MID1: variants seen among roughly 807,000 people sequenced by gnomAD.
MID1 encodes the protein midline 1.
Under a neutral mutation model 40.4 loss-of-function variants are expected in MID1, and 7 were observed. The observed-to-expected ratio is 0.17, with a 90% CI of 0.10 to 0.33. MID1 has a LOEUF of 0.33. Ranked by LOEUF, MID1 falls within the 10% of genes least tolerant of loss-of-function variation. The pLI is 1.00. For synonymous variants in MID1, 229 were observed against 221.2 expected (o/e 1.04, Z -0.31); for missense variants, 367 against 558.5 (o/e 0.66, Z 3.46).
chrX:10,713,947 C>G (rs1460926087), intron 1 of MID1, among the ~76,000 whole-genome samples: 2 of 111,849 alleles, frequency 1.8e-5, no homozygotes, highest in East Asian at 5.6e-4. Flanking sequence ...ATCTCAATCT[C>G]AAGCTTTGAA....
chrX:10,536,920 G>A (rs1218141639), intron 2 of MID1, among the ~76,000 whole-genome samples: 5 of 111,585 alleles, frequency 4.5e-5, no homozygotes, highest in Admixed American at 3.8e-4. Flanking sequence ...TCTCTACTGC[G>A]GAACAGGAAG....
intron 1 of MID1, among the ~76,000 whole-genome samples, chrX:10,794,215 A>T (rs1156925596): frequency 2.7e-5 from 3 of 112,113 alleles, no homozygotes; most frequent in African/African-American, 3.2e-5. Context: ...AATAAATGAG[A>T]CTAATGACCA....
At chrX:10,769,263 C>T (rs1481304560) in intron 1 of MID1, among the ~76,000 whole-genome samples, 3 of 110,511 alleles carry the variant, frequency 2.7e-5, no homozygotes, top group African/African-American at 9.9e-5. Context: ...TTTATCCTAC[C>T]GCCTTAAAAC....
intron 1 of MID1, among the ~76,000 whole-genome samples, chrX:10,802,222 A>G (rs1037629890): frequency 8.9e-5 from 10 of 111,735 alleles, no homozygotes; most frequent in African/African-American, 3.3e-4. Flanking sequence ...CAAACAAACA[A>G]AAACTATCAA....
At chrX:10,805,493 C>T (rs2044038755) in intron 1 of MID1, among the ~76,000 whole-genome samples, 1 of 106,721 alleles carries the variant, frequency 9.4e-6, no homozygotes, top group African/African-American at 3.5e-5. Context: ...GGGTTGGTTC[C>T]AAGTCTTTGC....
intron 1 of MID1, among the ~76,000 whole-genome samples, chrX:10,607,627 C>A (rs1388531678): frequency 8.9e-6 from 1 of 112,440 alleles, no homozygotes; most frequent in Admixed American, 9.4e-5. Context: ...GAAGACAGAT[C>A]ATGCCCCTAT....
chrX:10,603,045 T>C (rs760879950), intron 1 of MID1, among the ~76,000 whole-genome samples: 2 of 112,362 alleles, frequency 1.8e-5, no homozygotes, highest in South Asian at 7.3e-4. Flanking sequence ...AAATGAAAAA[T>C]GATATTTCTT....
intron 2 of MID1, among the ~76,000 whole-genome samples, chrX:10,547,074 T>C (rs1395151422): frequency 8.9e-6 from 1 of 112,002 alleles, no homozygotes; most frequent in Admixed American, 9.5e-5. Flanking sequence ...GAAGATCGCT[T>C]GAGCCCAGAA....
chrX:10,572,423 C>T (rs1366545314), intron 1 of MID1, among the ~76,000 whole-genome samples: 7 of 109,382 alleles, frequency 6.4e-5, no homozygotes, highest in East Asian at 2.8e-4. Context: ...TGGTGGCGTG[C>T]GCCTGTGATT....
At chrX:10,654,150 T>C (rs2042853348) in intron 1 of MID1, among the ~76,000 whole-genome samples, 1 of 111,931 alleles carries the variant, frequency 8.9e-6, no homozygotes, top group Admixed American at 9.6e-5. Flanking sequence ...GATATAGAGA[T>C]ACTAATATAG....
chrX:10,527,660 G>A (rs1406500373), intron 2 of MID1, among the ~76,000 whole-genome samples: 1 of 111,078 alleles, frequency 9.0e-6, no homozygotes, highest in Non-Finnish European at 1.9e-5. Context: ...GTGCTGGGGA[G>A]AGTAAGAAGA....
intron 1 of MID1, among the ~76,000 whole-genome samples, chrX:10,795,578 T>C (rs1197330890): frequency 2.7e-5 from 3 of 112,324 alleles, no homozygotes; most frequent in Non-Finnish European, 5.6e-5. Flanking sequence ...TTATTTTCAG[T>C]TGGTGGAGCA....
intron 7 of MID1, among the ~76,000 whole-genome samples, chrX:10,462,204 C>A (rs976566614): frequency 2.0e-5 from 2 of 101,533 alleles, no homozygotes; most frequent in African/African-American, 4.5e-5. Flanking sequence ...TGAATACTAA[C>A]AAACACTATT....
At chrX:10,829,010 T>C (rs2044234359) in intron 1 of MID1, among the ~76,000 whole-genome samples, 2 of 112,433 alleles carry the variant, frequency 1.8e-5, no homozygotes, top group African/African-American at 3.2e-5. Context: ...CATTCATTGC[T>C]CTGGAAGAAA....
chrX:10,632,083 G>A (rs1936058946), intron 1 of MID1, among the ~76,000 whole-genome samples: 1 of 111,766 alleles, frequency 8.9e-6, no homozygotes, highest in Non-Finnish European at 1.9e-5. Flanking sequence ...CGCTTGCATT[G>A]TCTGGCCTAA....
chrX:10,532,539 A>AAAAT (rs760891295), intron 2 of MID1, among the ~76,000 whole-genome samples: 76 of 111,239 alleles, frequency 6.8e-4, no homozygotes, highest in Non-Finnish European at 1.1e-3. Flanking sequence ...CCTGTCTTTT[A>AAAAT]AAATAAATAA....
At chrX:10,506,618 C>A in intron 3 of MID1, 1 of 474,037 alleles carries the variant, frequency 2.1e-6, no homozygotes, top group Admixed American at 2.8e-5. Context: ...AGTTCCCAGG[C>A]CAGGGAGATA....
chrX:10,720,675 T>A (rs182525030), intron 1 of MID1, among the ~76,000 whole-genome samples: 2 of 111,888 alleles, frequency 1.8e-5, no homozygotes, highest in Non-Finnish European at 3.8e-5. Context: ...AAGTACCATT[T>A]GACCCAGCCA....
Position 10,541,878 on chromosome X carries a change from A to G in MID1, c.661-18691T>C, listed in dbSNP as rs762206285. Among the ~76,000 whole-genome samples the G allele has an allele frequency of 6.3e-5, 7 of 111,421 alleles. No homozygotes were observed. The South Asian group carries it at 1.9e-3, about 30-fold the overall frequency. The stretch of plus-strand genomic sequence containing the variant: ...GCACCTTACGCTGAAGTCTTTGGGG[A>G]CCCCCATTGCTAGGCATCTCCACTG... On this transcript the variant is annotated intron_variant, in intron 2 of 9. Coordinates refer to ENST00000317552, the MANE Select transcript of MID1 (RefSeq NM_000381.4).
Sources: gnomAD v4.1 joint callset for allele counts (sites outside exome capture counted in the v4.1 genomes callset) on GRCh38, gnomAD v4.1.1 for gene constraint, MANE v1.5 for transcripts, NCBI Gene and HGNC (gene_info 2026-07-23, HGNC 2026-07-21) for gene names.